Variants in OTUD7A observed in about 807,000 individuals in gnomAD.
OTUD7A encodes the protein OTU domain-containing protein 7A.
Under a neutral mutation model 65.7 loss-of-function variants are expected in OTUD7A, and 12 were observed. The ratio of observed to expected loss-of-function variants is 0.18; its 90% confidence interval spans 0.12 to 0.30. The LOEUF (loss-of-function observed/expected upper bound fraction) is 0.30, where lower values mean the gene tolerates loss of function less well. Ranked by LOEUF, OTUD7A falls within the 10% of genes least tolerant of loss-of-function variation. The pLI is 1.00. For missense variants in OTUD7A, 1,148 were observed against 1,304.8 expected (o/e 0.88, Z 1.85); for synonymous variants, 641 against 586.3 (o/e 1.09, Z -1.35).
chr15:31,634,752 T>C (rs550788455), intron 3 of OTUD7A, among the ~76,000 whole-genome samples: 47 of 152,386 alleles, frequency 3.1e-4, no homozygotes, highest in African/African-American at 7.9e-4. Context: ...GAGCAGGGGC[T>C]GCCCCACACA....
intron 1 of OTUD7A, among the ~76,000 whole-genome samples, chr15:31,805,154 G>A (rs939697878): frequency 6.6e-6 from 1 of 152,212 alleles, no homozygotes; most frequent in Admixed American, 6.5e-5. Flanking sequence ...TTCCCTGTAG[G>A]GTCTAGGATC....
chr15:31,615,216 C>A (rs1023766307), intron 3 of OTUD7A, among the ~76,000 whole-genome samples: 5 of 152,074 alleles, frequency 3.3e-5, no homozygotes, highest in African/African-American at 9.7e-5. Context: ...ATTTAAAAAA[C>A]CTTAATTTTA....
At chr15:31,686,204 G>T (rs766594766) in intron 1 of OTUD7A, among the ~76,000 whole-genome samples, 6 of 152,216 alleles carry the variant, frequency 3.9e-5, no homozygotes, top group Non-Finnish European at 5.9e-5. Flanking sequence ...GAGAAGGAGG[G>T]GTCCTTTTCC....
intron 1 of OTUD7A, among the ~76,000 whole-genome samples, chr15:31,740,079 G>A (rs770842677): frequency 6.6e-6 from 1 of 152,242 alleles, no homozygotes; most frequent in Non-Finnish European, 1.5e-5. Context: ...AAGGGCAGGC[G>A]AGAGGAAGGC....
intron 3 of OTUD7A, among the ~76,000 whole-genome samples, chr15:31,612,732 C>T (rs2089743877): frequency 6.6e-6 from 1 of 152,094 alleles, no homozygotes; most frequent in South Asian, 2.1e-4. Flanking sequence ...AAGCAATCTA[C>T]AAATTCAACA....
At chr15:31,761,706 A>T (rs955945) in intron 1 of OTUD7A, among the ~76,000 whole-genome samples, 1 of 152,110 alleles carries the variant, frequency 6.6e-6, no homozygotes, top group African/African-American at 2.4e-5. Context: ...ATATCTGTAT[A>T]TGAATTGTCA....
intron 1 of OTUD7A, among the ~76,000 whole-genome samples, chr15:31,662,014 G>T (rs1161171261): frequency 4.6e-5 from 7 of 152,162 alleles, no homozygotes; most frequent in African/African-American, 1.7e-4. Flanking sequence ...TCTATTTCAT[G>T]TAAATCAGCA....
At chr15:31,627,173 C>T (rs1359474712) in intron 3 of OTUD7A, among the ~76,000 whole-genome samples, 1 of 151,920 alleles carries the variant, frequency 6.6e-6, no homozygotes, top group African/African-American at 2.4e-5. Context: ...ATGTGCCATG[C>T]TGGTGTGCTG....
chr15:31,826,630 T>G (rs551626237), intron 1 of OTUD7A, among the ~76,000 whole-genome samples: 38 of 152,372 alleles, frequency 2.5e-4, no homozygotes, highest in Admixed American at 5.2e-4. Flanking sequence ...GCAGCTGGCT[T>G]GAATTTCTCC....
At chr15:31,546,495 G>A (rs1295521258) in intron 5 of OTUD7A, among the ~76,000 whole-genome samples, 2 of 152,178 alleles carry the variant, frequency 1.3e-5, no homozygotes, top group East Asian at 3.8e-4. Flanking sequence ...CTCTCAAACT[G>A]TCCCCCACCC....
At position 31,664,452 on chromosome 15, in the gene OTUD7A, T is replaced by C. The variant is rs149896857; in HGVS notation, c.-99-7375A>G. Among the ~76,000 whole-genome samples, 30 of 152,294 alleles carry C rather than the reference T, an allele frequency of 2.0e-4. 1 individual carries two copies. Among genetic ancestry groups the C allele is most frequent in the South Asian group, 1.7e-3 (8 of 4,820 alleles). ...AGCATTTTTTCATGTTTGTTGGCCA[T>C]TTGTATATCTTCTTTTGAGAACTGT... On this transcript the variant is annotated intron_variant, in intron 1 of 12. Transcript: ENST00000307050.
At chr15:31,866,975 T>C (rs1042134829) in intron 1 of OTUD7A, among the ~76,000 whole-genome samples, 1 of 152,218 alleles carries the variant, frequency 6.6e-6, no homozygotes, top group African/African-American at 2.4e-5. Flanking sequence ...CCTTTTAAAG[T>C]GTGATGTTCC....
intron 10 of OTUD7A, among the ~76,000 whole-genome samples, chr15:31,489,882 G>A (rs906805330): frequency 6.6e-6 from 1 of 152,244 alleles, no homozygotes; most frequent in Non-Finnish European, 1.5e-5. Flanking sequence ...ACCCCTGAAG[G>A]GGCTAGTGCC....
At chr15:31,570,442 T>C (rs1889014010) in intron 3 of OTUD7A, among the ~76,000 whole-genome samples, 2 of 143,214 alleles carry the variant, frequency 1.4e-5, no homozygotes, top group Non-Finnish European at 1.5e-5. Context: ...TTTAGGTTCA[T>C]ACACACACAC....
chr15:31,614,274 G>C (rs12907373), intron 3 of OTUD7A, among the ~76,000 whole-genome samples: 43,614 of 151,500 alleles, frequency 0.29, 7,405 homozygotes, highest in African/African-American at 0.47. Context: ...AACCGAACAC[G>C]ACCTGCACCC....
intron 1 of OTUD7A, among the ~76,000 whole-genome samples, chr15:31,739,644 G>A (rs573509772): frequency 1.3e-5 from 2 of 152,110 alleles, no homozygotes; most frequent in South Asian, 2.1e-4. Context: ...CCAGGCTGGA[G>A]TGCAGTGGCA....
intron 1 of OTUD7A, among the ~76,000 whole-genome samples, chr15:31,752,908 C>G (rs1274899711): frequency 1.3e-5 from 2 of 152,026 alleles, no homozygotes; most frequent in East Asian, 3.9e-4. Context: ...GTTCAGCTTG[C>G]AACTGAAACA....
At position 31,768,369 on chromosome 15, in the gene OTUD7A, A is replaced by G. The variant is rs546583905; in HGVS notation, c.-100+102138T>C. 3.9e-5 allele frequency among the ~76,000 whole-genome samples: 6 copies of G among 152,348 alleles called. No homozygotes were observed. In the South Asian group the frequency reaches 1.2e-3, roughly 32 times the overall value. ...AATTTCTATACAATATCTATAAAGT[A>G]AAAGTGATGCCAGGCATGGTGGCTT... On this transcript the variant is annotated intron_variant, in intron 1 of 12. Transcript: ENST00000307050.
Position 31,649,809 on chromosome 15 carries a change from G to A in OTUD7A, c.151+5287C>T, listed in dbSNP as rs775096827. ...AGGCAGCAGCGACCGGGCTCAGGAA[G>A]GTGGATCACAGTTGGAGGTGCTGAT... On this transcript the variant is annotated intron_variant, in intron 3 of 12. Transcript: ENST00000307050. The A allele has an allele frequency of 1.4e-4, 61 of 426,394 alleles. No individual in the cohort carries two copies. In the Middle Eastern group the frequency reaches 1.5e-3, roughly 11 times the overall value. The allele number at this position is 426,394 out of a possible 1,614,324, so 26.4% of individuals were successfully genotyped here.
Sources: gnomAD v4.1 joint callset for allele counts (sites outside exome capture counted in the v4.1 genomes callset) on GRCh38, gnomAD v4.1.1 for gene constraint, MANE v1.5 for transcripts, NCBI Gene and HGNC (gene_info 2026-07-23, HGNC 2026-07-21) for gene names.